The following STRN3 variants were observed in gnomAD, a reference collection of about 807,000 sequenced individuals.
STRN3 encodes the protein striatin-3.
In STRN3, 29 loss-of-function variants were observed where a neutral mutation model predicts 95.6. That is an observed-to-expected ratio of 0.30 (90% CI 0.23 to 0.41). The LOEUF is 0.41. Ranked by LOEUF, STRN3 falls within the 10% of genes least tolerant of loss-of-function variation. The probability of loss-of-function intolerance (pLI) is 1.00; values close to 1 mark genes in which losing one functional copy is unlikely to be tolerated. For synonymous variants in STRN3, 331 were observed against 357.6 expected (o/e 0.93, Z 0.84); for missense variants, 890 against 972.1 (o/e 0.92, Z 1.12).
intron 16 of STRN3, 55 bp from the exon 17 acceptor site, chr14:30,895,803 C>A (rs2138926384): frequency 6.9e-7 from 1 of 1,450,962 alleles, no homozygotes; most frequent in East Asian, 2.3e-5. Flanking sequence ...TAACTCGAGA[C>A]AACAGAAACT....
intron 7 of STRN3, among the ~76,000 whole-genome samples, chr14:30,930,000 T>A (rs973161794): frequency 1.0e-5 from 1 of 96,664 alleles, no homozygotes; most frequent in Non-Finnish European, 2.2e-5. Flanking sequence ...ACTGAAGAAT[T>A]TTTTTAGAAT....
At chr14:31,004,713 T>C (rs962754053) in intron 1 of STRN3, among the ~76,000 whole-genome samples, 1 of 151,956 alleles carries the variant, frequency 6.6e-6, no homozygotes, top group Non-Finnish European at 1.5e-5. Context: ...GCGGAGTTTG[T>C]GGTGAGCCAA....
At chr14:30,911,633 C>T in intron 12 of STRN3, 144 bp downstream of exon 12, 2 of 751,854 alleles carry the variant, frequency 2.7e-6, no homozygotes, top group East Asian at 5.5e-5. Context: ...ATAGTCTCAC[C>T]AATACAATTA....
intron 12 of STRN3, among the ~76,000 whole-genome samples, 198 bp from the exon 13 acceptor site, chr14:30,911,360 G>A (rs1896604596): frequency 7.0e-6 from 1 of 141,946 alleles, no homozygotes; most frequent in Non-Finnish European, 1.5e-5. Flanking sequence ...CTGGAATGCA[G>A]TGGTGATCTC....
chr14:31,012,871 G>A (rs1458935786), intron 1 of STRN3, among the ~76,000 whole-genome samples: 6 of 149,854 alleles, frequency 4.0e-5, no homozygotes, highest in African/African-American at 9.9e-5. Context: ...TCTACCCTGG[G>A]CAATAAGAGC....
chr14:30,962,831 C>T (rs1224266371), intron 1 of STRN3, among the ~76,000 whole-genome samples: 1 of 151,988 alleles, frequency 6.6e-6, no homozygotes, highest in African/African-American at 2.4e-5. Flanking sequence ...CAGCACCTGG[C>T]CCCATTTTTT....
At chr14:30,899,138 C>T (rs1221356055) in intron 16 of STRN3, among the ~76,000 whole-genome samples, 1 of 152,172 alleles carries the variant, frequency 6.6e-6, no homozygotes, top group Non-Finnish European at 1.5e-5. Context: ...AGAACTGTGC[C>T]AAGAATATGG....
At position 30,918,331 on chromosome 14, in the gene STRN3, A is replaced by G. The variant is rs1325411475; in HGVS notation, c.1240+635T>C. On this transcript the variant is annotated intron_variant, in intron 9 of 17. Coordinates refer to ENST00000357479, the MANE Select transcript of STRN3 (RefSeq NM_001083893.2). ...AGACCAGCCTGGCCAACATGGTAAT[A>G]TTCTGTCTCTACTAAAAATACAAAA... Among the ~76,000 whole-genome samples the G allele has an allele frequency of 3.3e-5, 5 of 152,072 alleles. No individual in the cohort carries two copies. In the East Asian group the frequency reaches 9.7e-4, roughly 29 times the overall value.
chr14:31,000,632 T>A (rs1882403307), intron 1 of STRN3, among the ~76,000 whole-genome samples: 1 of 152,162 alleles, frequency 6.6e-6, no homozygotes, highest in South Asian at 2.1e-4. Flanking sequence ...AGTGAGGTTA[T>A]CTTCCCCAGG....
chr14:30,936,185 A>G (rs1878808153), intron 6 of STRN3, among the ~76,000 whole-genome samples: 2 of 152,246 alleles, frequency 1.3e-5, no homozygotes, highest in African/African-American at 4.8e-5. Context: ...TGTGCTGTAC[A>G]TGAAGAGACA....
intron 1 of STRN3, among the ~76,000 whole-genome samples, chr14:31,009,269 T>G (rs1012520144): frequency 6.6e-6 from 1 of 152,108 alleles, no homozygotes; most frequent in East Asian, 1.9e-4. Flanking sequence ...TACATATATA[T>G]AGTTGTATAT....
chr14:31,020,508 AAAAG>A (rs920288193), intron 1 of STRN3, among the ~76,000 whole-genome samples: 5 of 152,170 alleles, frequency 3.3e-5, no homozygotes, highest in African/African-American at 9.7e-5. Context: ...TAAAAAAAAA[AAAAG>A]AAAGTGCTCA....
intron 1 of STRN3, among the ~76,000 whole-genome samples, chr14:30,972,689 T>C (rs1880894830): frequency 6.6e-6 from 1 of 151,694 alleles, no homozygotes; most frequent in African/African-American, 2.4e-5. Context: ...ACACCTGTAG[T>C]CCCAGCTACT....
Position 30,902,544 on chromosome 14 carries a change from T to A in STRN3, c.2129A>T (p.Asn710Ile). The A allele has an allele frequency of 6.3e-7, 1 of 1,590,704 alleles. No homozygotes were observed. Among genetic ancestry groups the A allele is most frequent in the Non-Finnish European group, 8.5e-7 (1 of 1,169,732 alleles). ...HEDRHIKFFD[N>I]KTGKMIHSMV... ...GAAGACAATTTGCTTACCCGTTTTA[T>A]TGTCAAAAAATTTGATGTGTCTATC... The change falls in exon 16 of 18, where the codon AAT becomes ATT. Residue 710 changes from asparagine (N) to isoleucine (I), a missense_variant. Asn to Ile is a moderately radical substitution (Grantham distance 149). Coordinates refer to ENST00000357479, the MANE Select transcript of STRN3 (RefSeq NM_001083893.2).
chr14:30,969,892 C>A (rs1451439654), intron 1 of STRN3, among the ~76,000 whole-genome samples: 1 of 152,058 alleles, frequency 6.6e-6, no homozygotes, highest in Non-Finnish European at 1.5e-5. Flanking sequence ...AAAACTCGAG[C>A]CAGCATGGGA....
At chr14:30,936,407 A>G (rs543871604) in intron 6 of STRN3, 88 bp downstream of exon 6, 1 of 1,403,212 alleles carries the variant, frequency 7.1e-7, no homozygotes, top group South Asian at 1.4e-5. Flanking sequence ...ATGATCAATC[A>G]CTCCCAATGT....
chr14:31,016,830 A>C (rs937757464), intron 1 of STRN3, among the ~76,000 whole-genome samples: 1 of 152,008 alleles, frequency 6.6e-6, no homozygotes, highest in South Asian at 2.1e-4. Flanking sequence ...GTCATGAGCC[A>C]CTGCGCCCAG....
intron 1 of STRN3, among the ~76,000 whole-genome samples, chr14:30,993,341 T>G (rs1882052973): frequency 6.6e-6 from 1 of 151,870 alleles, no homozygotes; most frequent in Admixed American, 6.6e-5. Context: ...CAGCTCTTAG[T>G]AGGGAGAACA....
chr14:30,967,526 A>G (rs6571375), intron 1 of STRN3, among the ~76,000 whole-genome samples: 150,469 of 152,344 alleles, frequency 0.99, 74,340 homozygotes, highest in Middle Eastern at 1. Flanking sequence ...GGCGTAGCCC[A>G]AAAGCACTGA....
Sources: gnomAD v4.1 joint callset for allele counts (sites outside exome capture counted in the v4.1 genomes callset) on GRCh38, gnomAD v4.1.1 for gene constraint, MANE v1.5 for transcripts, NCBI Gene and HGNC (gene_info 2026-07-23, HGNC 2026-07-21) for gene names.